Variants in RBFOX1 observed in about 807,000 individuals in gnomAD.
RBFOX1 encodes the protein RNA binding fox-1 homolog 1.
Under a neutral mutation model 57.7 loss-of-function variants are expected in RBFOX1, and 8 were observed. The observed-to-expected ratio is 0.14, with a 90% CI of 0.08 to 0.25. The LOEUF (loss-of-function observed/expected upper bound fraction) is 0.25. Among genes scored for constraint, RBFOX1 ranks in the 10% least tolerant of loss-of-function variants. The pLI is 1.00. For synonymous variants in RBFOX1, 326 were observed against 222.4 expected (o/e 1.47, Z -4.15); for missense variants, 611 against 548.5 (o/e 1.11, Z -1.14).
intron 2 of RBFOX1, among the ~76,000 whole-genome samples, chr16:6,564,324 G>A (rs1413088585): frequency 6.6e-6 from 1 of 152,056 alleles, no homozygotes; most frequent in African/African-American, 2.4e-5. Context: ...GCATACAGTG[G>A]AGTATTATTC....
rs1462360303 is a variant in RBFOX1, at chr16:5,777,220, G to A, written c.319-90083G>A. The stretch of plus-strand genomic sequence containing the variant: ...AACATGAATTTCCTTGCCTTTTCCA[G>A]CTGCAAGAGGTCACCTACACCCTTG... On this transcript the variant is annotated intron_variant, in intron 3 of 19. Transcript: ENST00000641259. 2.0e-5 allele frequency among the ~76,000 whole-genome samples: 3 copies of A among 152,146 alleles called. No individual in the cohort carries two copies. The East Asian group carries it at 5.8e-4, about 29-fold the overall frequency.
chr16:7,595,949 C>T (rs1024515966), intron 8 of RBFOX1, among the ~76,000 whole-genome samples: 12 of 151,202 alleles, frequency 7.9e-5, no homozygotes, highest in African/African-American at 2.4e-4. Context: ...GCAGTAGGTT[C>T]CAAAGAATAG....
chr16:6,480,421 A>G (rs2095355206), intron 2 of RBFOX1, among the ~76,000 whole-genome samples: 1 of 152,228 alleles, frequency 6.6e-6, no homozygotes, highest in Admixed American at 6.5e-5. Context: ...AAATGGGCAT[A>G]GCTATGTTTC....
chr16:6,948,322 A>G (rs1026064359), intron 3 of RBFOX1, among the ~76,000 whole-genome samples: 4 of 151,132 alleles, frequency 2.6e-5, no homozygotes, highest in Admixed American at 2.6e-4. Context: ...AAGCCAGGTA[A>G]TGGAAACAAA....
chr16:6,860,019 C>T (rs1008798231), intron 3 of RBFOX1, among the ~76,000 whole-genome samples: 3 of 152,162 alleles, frequency 2.0e-5, no homozygotes, highest in Admixed American at 6.5e-5. Flanking sequence ...TAGGAGTTAA[C>T]ACCACAAGGG....
At chr16:7,303,907 G>T (rs2096099001) in intron 4 of RBFOX1, among the ~76,000 whole-genome samples, 2 of 149,092 alleles carry the variant, frequency 1.3e-5, no homozygotes, top group East Asian at 2.0e-4. Context: ...CGGGAGGGCA[G>T]CGCATCCCCT....
chr16:6,958,761 T>C (rs910273754), intron 3 of RBFOX1, among the ~76,000 whole-genome samples: 12 of 152,182 alleles, frequency 7.9e-5, no homozygotes, highest in African/African-American at 2.9e-4. Flanking sequence ...CTTAAAAATT[T>C]ATGGGCAGAA....
chr16:7,516,260 G>T (rs1054643479), intron 4 of RBFOX1, among the ~76,000 whole-genome samples: 6 of 152,126 alleles, frequency 3.9e-5, no homozygotes, highest in Non-Finnish European at 7.3e-5. Context: ...CTGGGACTCA[G>T]TGGTGTGACT....
chr16:5,295,794 C>T (rs1014411517), intron 1 of RBFOX1, among the ~76,000 whole-genome samples: 1 of 152,190 alleles, frequency 6.6e-6, no homozygotes, highest in African/African-American at 2.4e-5. Context: ...GCCCCACCCA[C>T]ATTAACAGGG....
chr16:5,777,025 C>G (rs2151693604), intron 3 of RBFOX1, among the ~76,000 whole-genome samples: 1 of 152,310 alleles, frequency 6.6e-6, no homozygotes, highest in Non-Finnish European at 1.5e-5. Context: ...TAGCACAGCT[C>G]TGCTGCAAAC....
intron 1 of RBFOX1, among the ~76,000 whole-genome samples, chr16:6,257,650 C>A (rs2152618798): frequency 6.6e-6 from 1 of 152,184 alleles, no homozygotes; most frequent in South Asian, 2.1e-4. Flanking sequence ...ATTCAGTTCC[C>A]ATTTATAAGT....
intron 4 of RBFOX1, among the ~76,000 whole-genome samples, chr16:7,489,124 A>G (rs1162613071): frequency 6.6e-6 from 1 of 151,754 alleles, no homozygotes; most frequent in African/African-American, 2.4e-5. Context: ...TTCTGTCCAA[A>G]TCTCTCTGTT....
chr16:6,796,419 C>G (rs759861188), intron 3 of RBFOX1, among the ~76,000 whole-genome samples: 12 of 152,098 alleles, frequency 7.9e-5, no homozygotes, highest in East Asian at 3.9e-4. Context: ...AGCCCGATTC[C>G]TTAAAACAGA....
chr16:6,909,305 C>G (rs2070930704), intron 3 of RBFOX1, among the ~76,000 whole-genome samples: 1 of 152,182 alleles, frequency 6.6e-6, no homozygotes, highest in African/African-American at 2.4e-5. Flanking sequence ...CTTCCAGCAT[C>G]ACATACCTCC....
intron 2 of RBFOX1, among the ~76,000 whole-genome samples, chr16:6,500,218 A>C (rs907525631): frequency 6.6e-6 from 1 of 152,102 alleles, no homozygotes; most frequent in African/African-American, 2.4e-5. Flanking sequence ...GGTATCTTCT[A>C]TTTTTTCCTA....
chr16:5,560,746 C>A (rs376962276), intron 2 of RBFOX1, among the ~76,000 whole-genome samples: 2 of 152,300 alleles, frequency 1.3e-5, no homozygotes, highest in South Asian at 4.1e-4. Flanking sequence ...TGCTATTGGA[C>A]TTCTCTGGAC....
intron 2 of RBFOX1, among the ~76,000 whole-genome samples, chr16:6,392,941 A>G (rs1034154850): frequency 6.6e-6 from 1 of 152,244 alleles, no homozygotes; most frequent in African/African-American, 2.4e-5. Flanking sequence ...ATGAATGAAC[A>G]ATGGACTGAA....
intron 4 of RBFOX1, among the ~76,000 whole-genome samples, chr16:7,070,824 C>A (rs1438851165): frequency 2.0e-5 from 3 of 152,168 alleles, no homozygotes; most frequent in Non-Finnish European, 2.9e-5. Context: ...GATTGGGAAA[C>A]TGGAACCTAA....
chr16:5,624,939 G>T lies in RBFOX1; in HGVS notation c.318+25978G>T, dbSNP rs190936269. 1.2e-4 allele frequency among the ~76,000 whole-genome samples: 18 copies of T among 152,248 alleles called. No individual in the cohort carries two copies. The East Asian group carries it at 2.5e-3, about 21-fold the overall frequency. On this transcript the variant is annotated intron_variant, in intron 3 of 19. Transcript: ENST00000641259. Reference sequence around the variant, plus strand: ...TCTGGTGCCAAACAGCAAAATGCACGGTCTGTAGGGACCCCACCCGGATTT... The same window carrying T: ...TCTGGTGCCAAACAGCAAAATGCACTGTCTGTAGGGACCCCACCCGGATTT...
Sources: allele counts gnomAD v4.1 joint callset (sites outside exome capture counted in the v4.1 genomes callset), GRCh38; gene constraint gnomAD v4.1.1; transcripts MANE v1.5; gene names NCBI Gene and HGNC (gene_info 2026-07-23, HGNC 2026-07-21).